Variants in SORCS3 observed in about 807,000 individuals in gnomAD.
The protein encoded by SORCS3 is VPS10 domain-containing receptor SorCS3.
SORCS3 carries 57 observed loss-of-function variants against 146.3 expected under a neutral mutation model. The observed-to-expected ratio is 0.39, with a 90% CI of 0.31 to 0.49. The LOEUF (loss-of-function observed/expected upper bound fraction) is 0.49, where lower values mean the gene tolerates loss of function less well. SORCS3 is among the 20% of genes least tolerant of loss of function. The pLI, the probability that SORCS3 is intolerant of heterozygous loss-of-function variation, is 0.92. For missense variants in SORCS3, 1,341 were observed against 1,575.5 expected (o/e 0.85, Z 2.52); for synonymous variants, 653 against 618.5 (o/e 1.06, Z -0.83).
At chr10:104,757,764 A>G (rs895547227) in intron 1 of SORCS3, among the ~76,000 whole-genome samples, 2 of 151,860 alleles carry the variant, frequency 1.3e-5, no homozygotes, top group Non-Finnish European at 2.9e-5. Flanking sequence ...CTTAAATCCT[A>G]GCATTAAATG....
At chr10:105,154,346 G>A (rs929722497) in intron 9 of SORCS3, among the ~76,000 whole-genome samples, 6 of 152,222 alleles carry the variant, frequency 3.9e-5, no homozygotes, top group Non-Finnish European at 5.9e-5. Flanking sequence ...TTTCTCAGCA[G>A]AGCCCTGGCT....
intron 2 of SORCS3, among the ~76,000 whole-genome samples, chr10:104,859,292 A>C (rs965063510): frequency 2.6e-5 from 4 of 152,152 alleles, no homozygotes; most frequent in Non-Finnish European, 4.4e-5. Context: ...ATCTTTGACA[A>C]ACCTGAGAAA....
intron 1 of SORCS3, among the ~76,000 whole-genome samples, chr10:104,673,745 C>T (rs1430741660): frequency 6.6e-6 from 1 of 152,124 alleles, no homozygotes; most frequent in African/African-American, 2.4e-5. Context: ...AGCCACTGCA[C>T]CCAGTCTCCT....
At chr10:104,714,937 A>G (rs2016458985) in intron 1 of SORCS3, among the ~76,000 whole-genome samples, 1 of 152,202 alleles carries the variant, frequency 6.6e-6, no homozygotes, top group African/African-American at 2.4e-5. Context: ...TCAAGAGGAC[A>G]GGGAGGAGCT....
At chr10:104,843,517 C>G (rs1380317542) in intron 2 of SORCS3, among the ~76,000 whole-genome samples, 1 of 152,214 alleles carries the variant, frequency 6.6e-6, no homozygotes, top group Admixed American at 6.5e-5. Flanking sequence ...TTTGGGGCCT[C>G]TAAGACTATT....
intron 16 of SORCS3, among the ~76,000 whole-genome samples, chr10:105,207,149 G>C (rs893739564): frequency 6.6e-6 from 1 of 152,076 alleles, no homozygotes; most frequent in African/African-American, 2.4e-5. Flanking sequence ...CTCTGCCACT[G>C]TCAGCTGTGT....
At position 104,818,360 on chromosome 10, in the gene SORCS3, T is replaced by TTCCTTCCTTCCTTCCTTC. The variant is rs1564690794; in HGVS notation, c.628-24432_628-24431insTCCTTCCTTCCTTCCTTC. Among the ~76,000 whole-genome samples the TTCCTTCCTTCCTTCCTTC allele has an allele frequency of 7.7e-3, 1,083 of 139,818 alleles. 17 individuals are homozygous for TTCCTTCCTTCCTTCCTTC. The highest frequency in any genetic ancestry group is 8.8e-3 in the Non-Finnish European group (573 of 65,004). The allele number at this position is 139,818 out of a possible 152,430, so 91.7% of individuals were successfully genotyped here. A position where few individuals can be genotyped will look rare whatever the true frequency, so the allele number is the denominator to read the frequency against. ...TTTCTTCTCTTTCTTTCTTCTCCTT[T>TTCCTTCCTTCCTTCCTTC]CTTCCTTCCTTCCTTCCTTCCTTCC... On this transcript the variant is annotated intron_variant, in intron 1 of 26. Coordinates refer to ENST00000369701, the MANE Select transcript of SORCS3 (RefSeq NM_014978.3).
At chr10:105,059,252 G>T (rs757591535) in intron 5 of SORCS3, among the ~76,000 whole-genome samples, 1 of 152,080 alleles carries the variant, frequency 6.6e-6, no homozygotes, top group Non-Finnish European at 1.5e-5. Context: ...CAGTGGAAAG[G>T]GTTGTTCCAA....
intron 1 of SORCS3, among the ~76,000 whole-genome samples, chr10:104,671,352 T>G (rs2015851611): frequency 1.7e-5 from 2 of 114,946 alleles, no homozygotes; most frequent in Non-Finnish European, 1.8e-5. Context: ...TTTTTTTTTT[T>G]GCGACAGAGT....
chr10:104,887,547 G>A (rs1316910767), intron 2 of SORCS3, among the ~76,000 whole-genome samples: 1 of 152,104 alleles, frequency 6.6e-6, no homozygotes, highest in Non-Finnish European at 1.5e-5. Flanking sequence ...TACTTAGAAT[G>A]CAGCTTCTAG....
At chr10:104,956,146 A>T (rs1276136249) in intron 3 of SORCS3, among the ~76,000 whole-genome samples, 1 of 152,216 alleles carries the variant, frequency 6.6e-6, no homozygotes, top group Non-Finnish European at 1.5e-5. Context: ...GATTCCTTTC[A>T]GGAATATAAG....
intron 6 of SORCS3, among the ~76,000 whole-genome samples, chr10:105,104,101 T>C (rs558213722): frequency 6.6e-6 from 1 of 152,352 alleles, no homozygotes; most frequent in African/African-American, 2.4e-5. Context: ...CTTTTGCTTT[T>C]ATTTATCTGC....
intron 19 of SORCS3, 43 bp from the exon 20 acceptor site, chr10:105,223,073 C>T: frequency 6.4e-7 from 1 of 1,560,700 alleles, no homozygotes; most frequent in Non-Finnish European, 8.7e-7. Context: ...AGTTTGACCA[C>T]ATCCAGAATA....
intron 6 of SORCS3, among the ~76,000 whole-genome samples, chr10:105,097,111 A>C (rs2055751899): frequency 6.6e-6 from 1 of 152,142 alleles, no homozygotes; most frequent in South Asian, 2.1e-4. Context: ...GGCATTGACA[A>C]TTCTGACTTT....
chr10:105,220,455 A>G (rs1346352367), intron 19 of SORCS3, among the ~76,000 whole-genome samples: 12 of 152,144 alleles, frequency 7.9e-5, no homozygotes, highest in Admixed American at 7.9e-4. Context: ...CCCCCAAGTG[A>G]TAGAAAGCCA....
Position 105,247,449 on chromosome 10 carries a change from T to C in SORCS3, c.3105+118T>C, listed in dbSNP as rs567554274. 905 of 561,282 alleles carry C rather than the reference T, an allele frequency of 1.6e-3. 9 individuals are homozygous for C. Among genetic ancestry groups the C allele is most frequent in the South Asian group, 0.016 (548 of 35,294 alleles). 34.8% of individuals were successfully genotyped at this position (561,282 alleles called of 1,614,324 possible). ...ATTCCACAGTTAAAGATTATTTCTC[T>C]GTAAAAAGAGAGAGAAGAGGCTGGG... On this transcript the variant is annotated intron_variant, in intron 22 of 26. Coordinates refer to ENST00000369701, the MANE Select transcript of SORCS3 (RefSeq NM_014978.3).
intron 7 of SORCS3, among the ~76,000 whole-genome samples, chr10:105,122,161 G>C (rs182160585): frequency 6.6e-6 from 1 of 152,310 alleles, no homozygotes; most frequent in East Asian, 1.9e-4. Context: ...TTGGGCTGTT[G>C]ACTGAAAAGT....
intron 1 of SORCS3, among the ~76,000 whole-genome samples, chr10:104,676,786 T>C (rs2015917374): frequency 6.6e-6 from 1 of 152,186 alleles, no homozygotes; most frequent in Non-Finnish European, 1.5e-5. Flanking sequence ...TCTTTTTTTT[T>C]CTGTTTCTTT....
intron 7 of SORCS3, among the ~76,000 whole-genome samples, chr10:105,126,422 C>T (rs140233694): frequency 6.6e-6 from 1 of 152,246 alleles, no homozygotes; most frequent in African/African-American, 2.4e-5. Context: ...ACAATTCAGC[C>T]AGGTCCTGGT....
Sources: allele counts gnomAD v4.1 joint callset (sites outside exome capture counted in the v4.1 genomes callset), GRCh38; gene constraint gnomAD v4.1.1; transcripts MANE v1.5; gene names NCBI Gene and HGNC (gene_info 2026-07-23, HGNC 2026-07-21).